The following TUBB8B variants were observed in gnomAD, a reference collection of about 807,000 sequenced individuals.
The protein encoded by TUBB8B is HSA18p11 beta-tubulin 4Q pseudogene.
TUBB8B carries 26 observed loss-of-function variants against 31.9 expected under a neutral mutation model. The ratio of observed to expected loss-of-function variants is 0.81; its 90% CI spans 0.60 to 1.13. The LOEUF (loss-of-function observed/expected upper bound fraction) is 1.13. Ranked by LOEUF, TUBB8B falls within the 50% of genes most tolerant of loss-of-function variation. The pLI, the probability that TUBB8B is intolerant of heterozygous loss-of-function variation, is 0.00. For missense variants in TUBB8B, 467 were observed against 586.7 expected, an observed-to-expected ratio of 0.80 and a Z score of 2.11; for synonymous variants, 173 against 231.0, an observed-to-expected ratio of 0.75 and a Z score of 2.28.
the TUBB8B span, among the ~76,000 whole-genome samples, chr18:67,761 T>G: frequency 1.3e-5 from 2 of 152,126 alleles, no homozygotes; most frequent in South Asian, 4.1e-4. Context: ...AATACTGATA[T>G]GACACCCACA....
Position 47,582 on chromosome 18 carries a change from G to C in TUBB8B, c.1143C>G (p.Val381=), listed in dbSNP as rs780248651. Reference sequence around the variant, plus strand: ...TGAACATTGCTGTAAACTGCTCTGAGACACATGTGAAGAGTTCCTGGATGG... The same window carrying C: ...TGAACATTGCTGTAAACTGCTCTGACACACATGTGAAGAGTTCCTGGATGG... ...NAAIQELFTC[V]SEQFTAMFRR... is the part of the protein sequence containing the mutation. The change falls in exon 4 of 4, where the codon GTC becomes GTG. Residue 381 remains valine, a synonymous_variant. Transcript: ENST00000308911. The C allele has an allele frequency of 2.6e-5, 33 of 1,278,968 alleles. No homozygotes were observed. Among genetic ancestry groups the C allele is most frequent in the Non-Finnish European group, 3.1e-5 (30 of 961,342 alleles). The allele number at this position is 1,278,968 out of a possible 1,614,324, so 79.2% of individuals were successfully genotyped here. A position where few individuals can be genotyped will look rare whatever the true frequency, so the allele number is the denominator to read the frequency against.
At chr18:69,669 G>T in the TUBB8B span, among the ~76,000 whole-genome samples, 1 of 152,172 alleles carries the variant, frequency 6.6e-6, no homozygotes, top group African/African-American at 2.4e-5. Context: ...GCATTAAGCA[G>T]GAATTATTTT....
At chr18:71,808 G>A in the TUBB8B span, among the ~76,000 whole-genome samples, 65 of 151,932 alleles carry the variant, frequency 4.3e-4, no homozygotes, top group Admixed American at 4.2e-3. Flanking sequence ...GCCTGAACCC[G>A]GGAGGCGGAG....
the TUBB8B span, among the ~76,000 whole-genome samples, chr18:68,798 C>T: frequency 6.6e-6 from 1 of 152,182 alleles, no homozygotes; most frequent in Admixed American, 6.5e-5. Flanking sequence ...TTCCTGCATG[C>T]TGCCCTTTCC....
At position 49,141 on chromosome 18, in the gene TUBB8B, G is replaced by T. The variant is rs746783264; in HGVS notation, c.154C>A (p.His52Asn). 4.6e-6 allele frequency: 7 copies of T among 1,505,640 alleles called. No individual in the cohort carries two copies. Among genetic ancestry groups the T allele is most frequent in the Middle Eastern group, 2.3e-4 (1 of 4,420 alleles). The allele number at this position is 1,505,640 out of a possible 1,614,324, so 93.3% of individuals were successfully genotyped here. A position where few individuals can be genotyped will look rare whatever the true frequency, so the allele number is the denominator to read the frequency against. ...ACGGGGGTCGCACCGCTGGCCTCGT[G>T]GTGGTGCACGTTGATGCGCTCCAGC... ...LQLERINVHH[H>N]EASGGRYVPR... is the part of the protein sequence containing the mutation. The change falls in exon 2 of 4, where the codon CAC becomes AAC. Residue 52 changes from histidine (H) to asparagine (N), a missense_variant. Physicochemically the swap from His to Asn is moderately conservative, Grantham distance 68 (BLOSUM62 1). This residue lies in a region of TUBB8B where 259 missense variants were observed against 380.1 expected (regional missense o/e 0.68). Transcript: ENST00000308911.
chr18:51,988 G>A (rs1321925128), upstream of TUBB8B, among the ~76,000 whole-genome samples: 1 of 151,320 alleles, frequency 6.6e-6, no homozygotes, highest in Admixed American at 6.6e-5. Context: ...TGGGTTTATG[G>A]TTTGCCAGGC....
the TUBB8B span, among the ~76,000 whole-genome samples, chr18:66,110 T>C: frequency 1.3e-5 from 2 of 152,126 alleles, no homozygotes; most frequent in Non-Finnish European, 2.9e-5. Context: ...ATATCTGTAG[T>C]CCTAGTTACT....
chr18:54,212 G>A (rs376121049), upstream of TUBB8B, among the ~76,000 whole-genome samples: 1 of 143,126 alleles, frequency 7.0e-6, no homozygotes, highest in Non-Finnish European at 1.5e-5. Context: ...TGCCTCATTA[G>A]ACTCTCCTCC....
the TUBB8B span, among the ~76,000 whole-genome samples, chr18:65,115 A>G: frequency 6.6e-6 from 1 of 152,090 alleles, no homozygotes; most frequent in Non-Finnish European, 1.5e-5. Flanking sequence ...CGTCTTGCCA[A>G]CATGGTGAAA....
the TUBB8B span, among the ~76,000 whole-genome samples, chr18:72,196 A>AAAAAAAAAAAAACAAAAAAC: frequency 1.2e-5 from 1 of 84,536 alleles, no homozygotes; most frequent in East Asian, 1.2e-3. Flanking sequence ...AAAAAAAAAA[A>AAAAAAAAAAAAACAAAAAAC]AAAGGAAAAA....
the TUBB8B span, among the ~76,000 whole-genome samples, chr18:63,158 G>C: frequency 6.6e-6 from 1 of 151,584 alleles, no homozygotes; most frequent in Non-Finnish European, 1.5e-5. Flanking sequence ...GTTTGGTGAG[G>C]TCATGTTTTC....
the TUBB8B span, among the ~76,000 whole-genome samples, chr18:62,876 T>G: frequency 1.3e-5 from 2 of 151,842 alleles, no homozygotes; most frequent in African/African-American, 4.8e-5. Flanking sequence ...ATAGTCTGAC[T>G]TCAAGTTCAC....
Position 48,891 on chromosome 18 carries a change from G to A in TUBB8B, c.277+49C>T, listed in dbSNP as rs747040978. The A allele has an allele frequency of 4.5e-6, 6 of 1,319,442 alleles. 1 individual carries two copies. The Admixed American group carries it at 8.4e-5, about 19-fold the overall frequency. The allele number at this position is 1,319,442 out of a possible 1,614,324, so 81.7% of individuals were successfully genotyped here. ...ATGACCTTGGGCACTCCTGGATTTTGAGCTGCCCTGGCTAAGGAGCCGCAC... is the reference window on the plus strand; with the variant it reads ...ATGACCTTGGGCACTCCTGGATTTTAAGCTGCCCTGGCTAAGGAGCCGCAC... On this transcript the variant is annotated intron_variant, in intron 3 of 3. Coordinates refer to ENST00000308911, the MANE Select transcript of TUBB8B (RefSeq NM_001358689.2).
At chr18:69,834 TAAA>T in the TUBB8B span, among the ~76,000 whole-genome samples, 4 of 152,278 alleles carry the variant, frequency 2.6e-5, no homozygotes, top group Non-Finnish European at 4.4e-5. Flanking sequence ...TGTTGAAAAC[TAAA>T]AGGAGATAAA....
At chr18:68,092 T>A in the TUBB8B span, among the ~76,000 whole-genome samples, 1,110 of 152,270 alleles carry the variant, frequency 7.3e-3, 10 homozygotes, top group African/African-American at 0.025. Flanking sequence ...CTGACCTGAA[T>A]TTGGACTGGG....
the TUBB8B span, among the ~76,000 whole-genome samples, chr18:72,196 A>AAAAAAAAAAAAAAAAAACAAAAC: frequency 1.2e-5 from 1 of 84,536 alleles, no homozygotes; most frequent in African/African-American, 3.9e-5. Flanking sequence ...AAAAAAAAAA[A>AAAAAAAAAAAAAAAAAACAAAAC]AAAGGAAAAA....
the TUBB8B span, among the ~76,000 whole-genome samples, chr18:60,142 A>G: frequency 1.3e-5 from 2 of 151,384 alleles, no homozygotes; most frequent in Non-Finnish European, 2.9e-5. Flanking sequence ...ACATTTTTTT[A>G]TTATGGCTTT....
chr18:65,942 T>A, the TUBB8B span, among the ~76,000 whole-genome samples: 4 of 152,138 alleles, frequency 2.6e-5, no homozygotes, highest in Non-Finnish European at 5.9e-5. Context: ...ATGAAAACCA[T>A]TCCAGACGGG....
At chr18:51,186 G>C (rs200785679), upstream of TUBB8B, among the ~76,000 whole-genome samples, 2 of 137,936 alleles carry the variant, frequency 1.4e-5, 1 homozygote, top group Admixed American at 1.4e-4. Context: ...AAAACAACTT[G>C]CATCTGTTAA....
Sources: allele counts gnomAD v4.1 joint callset (sites outside exome capture counted in the v4.1 genomes callset), GRCh38; gene constraint gnomAD v4.1.1; regional missense constraint gnomAD v4.1.1; transcripts MANE v1.5; gene names NCBI Gene and HGNC (gene_info 2026-07-23, HGNC 2026-07-21).